The following YY2 variants were observed in gnomAD, a reference collection of about 807,000 sequenced individuals.
The protein encoded by YY2 is YY2 transcription factor.
For missense variants in YY2, 254 were observed against 305.3 expected (o/e 0.83, Z 1.25); for synonymous variants, 157 against 131.2 (o/e 1.20, Z -1.35).
In YY2 at chrX:21,857,280, C is replaced by T. The variant is rs1332666432; in HGVS notation, c.796C>T (p.Arg266Trp). 6.6e-6 allele frequency: 8 copies of T among 1,211,501 alleles called. No individual in the cohort carries two copies. The highest frequency in any genetic ancestry group is 8.9e-6 in the Non-Finnish European group (8 of 895,394). Residue 266 changes from arginine to tryptophan, a missense_variant, in exon 1 of 1, where the codon CGG (arginine) becomes TGG (tryptophan). By Grantham distance (101) the Arg-to-Trp change is moderately radical. Transcript: ENST00000429584. The part of the protein sequence containing the change: ...CSYSGCEKMF[R>W]DYAAMRKHLH... ...TTATAGCGGCTGCGAAAAGATGTTC[C>T]GGGATTACGCCGCCATGAGAAAACA...
Position 21,857,241 on chromosome X carries a change from A to G in YY2, c.757A>G (p.Thr253Ala), listed in dbSNP as rs2092924359. ...AAGGTCCAAAGGAGAACCTCCCAAA[A>G]CAGTCCCTTGCTCTTATAGCGGCTG... ...PKRSKGEPPKTVPCSYSGCEK... is the reference protein window; with the variant it reads ...PKRSKGEPPKAVPCSYSGCEK... The change falls in exon 1 of 1, where the codon ACA (threonine) becomes GCA (alanine). Residue 253 changes from threonine (T) to alanine (A), a missense_variant. Transcript: ENST00000429584. 6 of 1,210,216 alleles carry G rather than the reference A, an allele frequency of 5.0e-6. No homozygotes were observed. The highest frequency in any genetic ancestry group is 1.7e-5 in the African/African-American group (1 of 57,267).
Position 21,857,262 on chromosome X carries a change from G to A in YY2, c.778G>A (p.Gly260Ser), listed in dbSNP as rs1229091832. The A allele has an allele frequency of 8.3e-7, 1 of 1,209,962 alleles. No individual in the cohort carries two copies. Among genetic ancestry groups the A allele is most frequent in the Admixed American group, 2.2e-5 (1 of 45,784 alleles). ...CAAAACAGTCCCTTGCTCTTATAGC[G>A]GCTGCGAAAAGATGTTCCGGGATTA... ...PPKTVPCSYS[G>S]CEKMFRDYAA... Residue 260 changes from glycine (G) to serine (S), a missense_variant, in exon 1 of 1, where the codon GGC becomes AGC. By Grantham distance (56) the Gly-to-Ser change is moderately conservative. Transcript: ENST00000429584.
At position 21,856,822 on chromosome X, in the gene YY2, A is replaced by G; in HGVS notation, c.338A>G (p.Asp113Gly). 3 of 1,211,815 alleles carry G rather than the reference A, an allele frequency of 2.5e-6. No homozygotes were observed. The highest frequency in any genetic ancestry group is 3.3e-6 in the Non-Finnish European group (3 of 895,582). ...DQLALPDSIEDEHFQMTLASL... is the reference protein window; with the variant it reads ...DQLALPDSIEGEHFQMTLASL... ...TTGGCCCTCCCGGATAGCATTGAAG[A>G]CGAGCACTTCCAGATGACCCTGGCC... Residue 113 changes from aspartate (D) to glycine (G), a missense_variant, in exon 1 of 1, where the codon GAC (aspartate) becomes GGC (glycine). Transcript: ENST00000429584.
At position 21,857,558 on chromosome X, in the gene YY2, G is replaced by C; in HGVS notation, c.1074G>C (p.Leu358=). The C allele has an allele frequency of 8.3e-7, 1 of 1,211,625 alleles. No individual in the cohort carries two copies. Among genetic ancestry groups the C allele is most frequent in the South Asian group, 1.8e-5 (1 of 56,964 alleles). The change falls in exon 1 of 1, where the codon CTG becomes CTC. Residue 358 remains leucine, a synonymous_variant. Transcript: ENST00000429584. The part of the protein sequence containing the change: ...CNRKFAQSTN[L]KTHILTHVKT... ...GGAAGTTCGCTCAGTCAACCAACCT[G>C]AAAACCCACATATTAACGCATGTGA...
At position 21,856,301 on chromosome X, in the gene YY2, C is replaced by G; in HGVS notation, c.-184C>G. The G allele has an allele frequency of 2.7e-6, 1 of 376,008 alleles. No homozygotes were observed. The highest frequency in any genetic ancestry group is 3.8e-5 in the South Asian group (1 of 26,622). The allele number at this position is 376,008 out of a possible 1,213,427, so 31.0% of individuals were successfully genotyped here. ...GTCTCGCGCCTTTCTCTGCAGCTCG[C>G]GCCTTTCTCTGCAGCTCGCGCCTTT... On this transcript the variant is annotated 5_prime_UTR_variant, in exon 1 of 1. Coordinates refer to ENST00000429584, the MANE Select transcript of YY2 (RefSeq NM_206923.4).
Position 21,857,753 on chromosome X carries a change from T to A in YY2, c.*150T>A. ...TAAGGTTCGTGTTTTGTTAGAGTAG[T>A]AAAAATAGAATTTAAACGTTTTTAA... On this transcript the variant is annotated 3_prime_UTR_variant, in exon 1 of 1. Coordinates refer to ENST00000429584, the MANE Select transcript of YY2 (RefSeq NM_206923.4). 1.6e-6 allele frequency: 1 copy of A among 640,966 alleles called. No individual in the cohort carries two copies. Among genetic ancestry groups the A allele is most frequent in the Non-Finnish European group, 2.3e-6 (1 of 434,940 alleles). 52.8% of individuals were successfully genotyped at this position (640,966 alleles called of 1,213,427 possible).
chrX:21,856,342 CT>C lies in YY2; in HGVS notation c.-140del, dbSNP rs1330312030. ...TCGCGCCTTTCTCTGCAGCTCGCGC[CT>C]TTCTCTGCAGCTCGCGCCTTTCTCT... On this transcript the variant is annotated 5_prime_UTR_variant, in exon 1 of 1. It introduces an in-frame stop codon into an upstream open reading frame of the 5' UTR. Transcript: ENST00000429584. The C allele has an allele frequency of 3.3e-5, 18 of 551,974 alleles. No homozygotes were observed. Among genetic ancestry groups the C allele is most frequent in the African/African-American group, 2.1e-4 (9 of 42,120 alleles). 45.5% of individuals were successfully genotyped at this position (551,974 alleles called of 1,213,427 possible).
At position 21,856,227 on chromosome X, in the gene YY2, G is replaced by A. The variant is rs2092921116; in HGVS notation, c.-258G>A. On this transcript the variant is annotated 5_prime_UTR_variant, in exon 1 of 1. Transcript: ENST00000429584. ...ACGCGCCAGTTGCCTAGGCGCATGC[G>A]TCTGGCTATCCCAGAAGCACCTGCG... The A allele has an allele frequency of 1.3e-5, 5 of 370,829 alleles. No individual in the cohort carries two copies. The highest frequency in any genetic ancestry group is 1.9e-5 in the Non-Finnish European group (4 of 214,991). The allele number at this position is 370,829 out of a possible 1,213,427, so 30.6% of individuals were successfully genotyped here. A position where few individuals can be genotyped will look rare whatever the true frequency, so the allele number is the denominator to read the frequency against.
rs6151265 is a variant in YY2, at chrX:21,856,277, TCTCGCGCCTTTCTCTGCAG to T, written c.-126_-108del. The stretch of plus-strand genomic sequence containing the variant: ...GCCTTCCGGCTCGTGCTTTCCTCAG[TCTCGCGCCTTTCTCTGCAG>T]CTCGCGCCTTTCTCTGCAGCTCGCG... On this transcript the variant is annotated 5_prime_UTR_variant, in exon 1 of 1. The change creates a premature stop within an existing upstream ORF in the 5' untranslated region. Transcript: ENST00000429584. 46,429 of 384,223 alleles carry T rather than the reference TCTCGCGCCTTTCTCTGCAG, an allele frequency of 0.12. 6,840 individuals are homozygous for T. The highest frequency in any genetic ancestry group is 0.21 in the East Asian group (5,123 of 24,490). 31.7% of individuals were successfully genotyped at this position (384,223 alleles called of 1,213,427 possible).
rs1403955724 is a variant in YY2, at chrX:21,857,174, A to G, written c.690A>G (p.Ser230=). Residue 230 remains serine, a synonymous_variant, in exon 1 of 1, where the codon TCA becomes TCG. Coordinates refer to ENST00000429584, the MANE Select transcript of YY2 (RefSeq NM_206923.4). ...GGGGGTTACCAGGCATTGATCTCTC[A>G]GATCCTAAACAGCTGGCAGAATTTA... ...PPGGLPGIDL[S]DPKQLAEFTK... is the part of the protein sequence containing the mutation. 1 of 1,212,169 alleles carries G rather than the reference A, an allele frequency of 8.2e-7. No individual in the cohort carries two copies. Among genetic ancestry groups the G allele is most frequent in the Non-Finnish European group, 1.1e-6 (1 of 895,658 alleles).
At position 21,856,295 on chromosome X, in the gene YY2, AGCTCGCG is replaced by A. The variant is rs2092921530; in HGVS notation, c.-189_-183del. The A allele has an allele frequency of 3.9e-6, 1 of 258,207 alleles. No homozygotes were observed. The highest frequency in any genetic ancestry group is 6.3e-6 in the Non-Finnish European group (1 of 158,709). The allele number at this position is 258,207 out of a possible 1,213,427, so 21.3% of individuals were successfully genotyped here. A position where few individuals can be genotyped will look rare whatever the true frequency, so the allele number is the denominator to read the frequency against. ...TCCTCAGTCTCGCGCCTTTCTCTGCAGCTCGCGCCTTTCTCTGCAGCTCGCGCCTTTC... is the reference window on the plus strand; with the variant it reads ...TCCTCAGTCTCGCGCCTTTCTCTGCACCTTTCTCTGCAGCTCGCGCCTTTC... On this transcript the variant is annotated 5_prime_UTR_variant, in exon 1 of 1. An upstream open reading frame in the 5' UTR gains an earlier in-frame stop. Coordinates refer to ENST00000429584, the MANE Select transcript of YY2 (RefSeq NM_206923.4).
chrX:21,856,226 CG>C lies in YY2; in HGVS notation c.-258del. 1 of 372,266 alleles carries C rather than the reference CG, an allele frequency of 2.7e-6. No homozygotes were observed. The highest frequency in any genetic ancestry group is 4.6e-6 in the Non-Finnish European group (1 of 215,259). The allele number at this position is 372,266 out of a possible 1,213,427, so 30.7% of individuals were successfully genotyped here. ...GACGCGCCAGTTGCCTAGGCGCATG[CG>C]TCTGGCTATCCCAGAAGCACCTGCG... is the stretch of plus-strand genomic sequence containing the variant. On this transcript the variant is annotated 5_prime_UTR_variant, in exon 1 of 1. An upstream open reading frame in the 5' UTR gains an earlier in-frame stop. Coordinates refer to ENST00000429584, the MANE Select transcript of YY2 (RefSeq NM_206923.4).
At position 21,856,364 on chromosome X, in the gene YY2, TCTCTGCAGCTCGCCCCTTC is replaced by T. The variant is rs60804526; in HGVS notation, c.-90_-72del. ...CGCCTTTCTCTGCAGCTCGCGCCTT[TCTCTGCAGCTCGCCCCTTC>T]CTCTGCAGCTCGCCCCTTCCTCTGC... On this transcript the variant is annotated 5_prime_UTR_variant, in exon 1 of 1. It introduces an in-frame stop codon into an upstream open reading frame of the 5' UTR. Coordinates refer to ENST00000429584, the MANE Select transcript of YY2 (RefSeq NM_206923.4). 3.3e-3 allele frequency: 2,069 copies of T among 631,515 alleles called. 54 individuals are homozygous for T. In the African/African-American group the frequency reaches 0.072, roughly 22 times the overall value. The allele number at this position is 631,515 out of a possible 1,213,427, so 52.0% of individuals were successfully genotyped here.
Position 21,857,587 on chromosome X carries a change from C to G in YY2, c.1103C>G (p.Thr368Ser), listed in dbSNP as rs1452643520. The G allele has an allele frequency of 8.3e-7, 1 of 1,201,500 alleles. No individual in the cohort carries two copies. The highest frequency in any genetic ancestry group is 1.8e-5 in the African/African-American group (1 of 56,853). The change falls in exon 1 of 1, where the codon ACC (threonine) becomes AGC (serine). Residue 368 changes from threonine (T) to serine (S), a missense_variant. Transcript: ENST00000429584. ...LKTHILTHVK[T>S]KNNP ...ACCCACATATTAACGCATGTGAAGA[C>G]CAAAAACAACCCGTGAAAAGGAGAA...
chrX:21,857,495 C>T lies in YY2; in HGVS notation c.1011C>T (p.Gly337=), dbSNP rs1219461770. The change falls in exon 1 of 1, where the codon GGC becomes GGT. Residue 337 remains glycine, a synonymous_variant. Transcript: ENST00000429584. The part of the protein sequence containing the change: ...NLRTHLRIHT[G]DKPFVCPFDV... Reference sequence around the variant, plus strand: ...GCACACACTTGCGCATCCACACCGGCGATAAGCCCTTCGTGTGCCCCTTCG... The same window carrying T: ...GCACACACTTGCGCATCCACACCGGTGATAAGCCCTTCGTGTGCCCCTTCG... The T allele has an allele frequency of 2.5e-6, 3 of 1,212,009 alleles. No individual in the cohort carries two copies. The highest frequency in any genetic ancestry group is 1.8e-5 in the South Asian group (1 of 57,039).
chrX:21,856,319 G>T lies in YY2; in HGVS notation c.-166G>T. The T allele has an allele frequency of 2.2e-6, 1 of 459,974 alleles. No homozygotes were observed. 37.9% of individuals were successfully genotyped at this position (459,974 alleles called of 1,213,427 possible). A position where few individuals can be genotyped will look rare whatever the true frequency, so the allele number is the denominator to read the frequency against. Reference sequence around the variant, plus strand: ...CAGCTCGCGCCTTTCTCTGCAGCTCGCGCCTTTCTCTGCAGCTCGCGCCTT... The same window carrying T: ...CAGCTCGCGCCTTTCTCTGCAGCTCTCGCCTTTCTCTGCAGCTCGCGCCTT... On this transcript the variant is annotated 5_prime_UTR_variant, in exon 1 of 1. Transcript: ENST00000429584.
At position 21,857,651 on chromosome X, in the gene YY2, G is replaced by A. The variant is rs771303094; in HGVS notation, c.*48G>A. 19 of 1,128,629 alleles carry A rather than the reference G, an allele frequency of 1.7e-5. No individual in the cohort carries two copies. Among genetic ancestry groups the A allele is most frequent in the South Asian group, 8.6e-5 (4 of 46,571 alleles). 93.0% of individuals were successfully genotyped at this position (1,128,629 alleles called of 1,213,427 possible). ...CTTGGGAATTATCTTCCAGGACTGC[G>A]GTAGGGAATAAATATGCCTCTCAAA... On this transcript the variant is annotated 3_prime_UTR_variant, in exon 1 of 1. Transcript: ENST00000429584.
Position 21,856,093 on chromosome X carries a change from T to G in YY2, c.-392T>G, listed in dbSNP as rs2092920758. 6.1e-6 allele frequency: 1 copy of G among 162,894 alleles called. No homozygotes were observed. Among genetic ancestry groups the G allele is most frequent in the Non-Finnish European group, 1.2e-5 (1 of 85,622 alleles). The allele number at this position is 162,894 out of a possible 1,213,427, so 13.4% of individuals were successfully genotyped here. A position where few individuals can be genotyped will look rare whatever the true frequency, so the allele number is the denominator to read the frequency against. On this transcript the variant is annotated 5_prime_UTR_variant, in exon 1 of 1. Coordinates refer to ENST00000429584, the MANE Select transcript of YY2 (RefSeq NM_206923.4). ...TGAAAATCAACTAAAATGAAATACA[T>G]AAAAAATCAGTAAAGAGCCTGCTTA...
Position 21,856,589 on chromosome X carries a change from T to A in YY2, c.105T>A (p.Ile35=), listed in dbSNP as rs1450542271. 1 of 1,211,611 alleles carries A rather than the reference T, an allele frequency of 8.3e-7. No homozygotes were observed. The highest frequency in any genetic ancestry group is 1.1e-6 in the Non-Finnish European group (1 of 895,481). ...INVEPLPMED[I]PTESVQYEDV... ...TGGAGCCCCTTCCTATGGAGGACATTCCGACGGAAAGCGTCCAGTACGAGG... is the reference window on the plus strand; with the variant it reads ...TGGAGCCCCTTCCTATGGAGGACATACCGACGGAAAGCGTCCAGTACGAGG... Residue 35 remains isoleucine (I), a synonymous_variant, in exon 1 of 1, where the codon ATT becomes ATA. Transcript: ENST00000429584.
Sources: allele counts gnomAD v4.1 joint callset, GRCh38; gene constraint gnomAD v4.1.1; transcripts MANE v1.5; gene names NCBI Gene and HGNC (gene_info 2026-07-23, HGNC 2026-07-21).